Variants in AQR observed in about 807,000 individuals in gnomAD.
AQR encodes the protein RNA helicase aquarius.
Under a neutral mutation model 180.5 loss-of-function variants are expected in AQR, and 61 were observed. The ratio of observed to expected loss-of-function variants is 0.34; its 90% confidence interval spans 0.28 to 0.42. AQR has a LOEUF of 0.42. Ranked by LOEUF, AQR falls within the 10% of genes least tolerant of loss-of-function variation. AQR has a pLI of 1.00. For missense variants in AQR, 1,281 were observed against 1,798.3 expected (o/e 0.71, Z 5.20); for synonymous variants, 551 against 588.8 (o/e 0.94, Z 0.93).
chr15:34,899,929 G>A (rs143318251), intron 20 of AQR, among the ~76,000 whole-genome samples: 25 of 152,098 alleles, frequency 1.6e-4, no homozygotes, highest in African/African-American at 5.5e-4. Flanking sequence ...GTCTTCCTCT[G>A]TCACCCAGGC....
chr15:34,940,829 C>T, intron 8 of AQR, 70 bp downstream of exon 8: 1 of 1,180,538 alleles, frequency 8.5e-7, no homozygotes, highest in Admixed American at 2.1e-5. Context: ...AACAACAAAC[C>T]AGTCAACATC....
intron 6 of AQR, among the ~76,000 whole-genome samples, chr15:34,942,541 G>T (rs1263465170): frequency 6.6e-6 from 1 of 152,214 alleles, no homozygotes; most frequent in South Asian, 2.1e-4. Context: ...CAAGCCCAAG[G>T]CTGAAGTGCT....
intron 1 of AQR, among the ~76,000 whole-genome samples, chr15:34,968,198 A>T (rs2050321300): frequency 6.6e-6 from 1 of 152,036 alleles, no homozygotes; most frequent in Non-Finnish European, 1.5e-5. Context: ...ACTGGAGCCC[A>T]GCCAACATAG....
chr15:34,877,569 A>G (rs545865007), intron 27 of AQR, among the ~76,000 whole-genome samples: 26 of 151,660 alleles, frequency 1.7e-4, no homozygotes, highest in African/African-American at 5.8e-4. Context: ...GACTCTCAAG[A>G]TAACAGGTAT....
Position 34,862,891 on chromosome 15 carries a change from T to C in AQR, c.4005A>G (p.Thr1335=). 1 of 1,613,748 alleles carries C rather than the reference T, an allele frequency of 6.2e-7. No individual in the cohort carries two copies. The highest frequency in any genetic ancestry group is 8.5e-7 in the Non-Finnish European group (1 of 1,179,762). Residue 1335 remains threonine, a synonymous_variant, in exon 33 of 35, where the codon ACA becomes ACG. Transcript: ENST00000156471. Reference sequence around the variant, plus strand: ...CCTTTCTAGTAGTTGGGAAAGGTTCTGTTGGAATTATATGCAAATGAAGGG... The same window carrying C: ...CCTTTCTAGTAGTTGGGAAAGGTTCCGTTGGAATTATATGCAAATGAAGGG... ...ARPLHLHIIP[T]EPFPTTRKNG...
At chr15:34,923,871 G>A (rs1893717343) in intron 13 of AQR, among the ~76,000 whole-genome samples, 2 of 152,116 alleles carry the variant, frequency 1.3e-5, no homozygotes, top group Admixed American at 1.3e-4. Flanking sequence ...ACTTTGTTCT[G>A]TTACAAAATG....
intron 19 of AQR, among the ~76,000 whole-genome samples, chr15:34,903,994 C>T (rs1893373791): frequency 6.6e-6 from 1 of 151,948 alleles, no homozygotes; most frequent in African/African-American, 2.4e-5. Flanking sequence ...CCCCAGTAAA[C>T]AAGTAAGCAA....
chr15:34,914,360 A>G (rs918136467), intron 16 of AQR, among the ~76,000 whole-genome samples: 1 of 152,218 alleles, frequency 6.6e-6, no homozygotes, highest in Non-Finnish European at 1.5e-5. Flanking sequence ...TACCAGAATG[A>G]AAGACTTTTC....
At chr15:34,896,543 TAAAAA>T (rs34623885) in intron 22 of AQR, among the ~76,000 whole-genome samples, 160 of 135,558 alleles carry the variant, frequency 1.2e-3, no homozygotes, top group Middle Eastern at 3.8e-3. Flanking sequence ...TAATCTATGT[TAAAAA>T]AAAAAAAAAA....
intron 1 of AQR, among the ~76,000 whole-genome samples, chr15:34,968,200 C>A (rs1177604306): frequency 6.6e-6 from 1 of 151,780 alleles, no homozygotes; most frequent in African/African-American, 2.4e-5. Context: ...TGGAGCCCAG[C>A]CAACATAGTG....
At chr15:34,896,555 A>G (rs957811226) in intron 22 of AQR, among the ~76,000 whole-genome samples, 10 of 151,898 alleles carry the variant, frequency 6.6e-5, no homozygotes, top group Admixed American at 3.9e-4. Context: ...AAAAAAAAAA[A>G]AAAAAGGTGT....
intron 23 of AQR, among the ~76,000 whole-genome samples, chr15:34,891,776 A>G (rs1167312707): frequency 6.6e-6 from 1 of 152,152 alleles, no homozygotes; most frequent in Non-Finnish European, 1.5e-5. Flanking sequence ...TGTTTCTTTT[A>G]TCAAGACAAA....
chr15:34,911,104 G>T (rs1450392708), intron 16 of AQR, among the ~76,000 whole-genome samples: 1 of 152,060 alleles, frequency 6.6e-6, no homozygotes, highest in Non-Finnish European at 1.5e-5. Context: ...TCAAAAAAAG[G>T]ATTTCCTTCT....
chr15:34,889,328 T>G (rs1893107012), intron 24 of AQR, among the ~76,000 whole-genome samples: 2 of 152,212 alleles, frequency 1.3e-5, no homozygotes, highest in South Asian at 4.1e-4. Flanking sequence ...ATACAAGAAC[T>G]CAAAATAGAT....
intron 8 of AQR, among the ~76,000 whole-genome samples, chr15:34,940,035 T>C (rs1893999813): frequency 6.6e-6 from 1 of 152,184 alleles, no homozygotes; most frequent in South Asian, 2.1e-4. Context: ...TCACAGAGCA[T>C]GTGTTCTAGG....
chr15:34,874,221 C>T (rs552613650), intron 29 of AQR: 14 of 429,086 alleles, frequency 3.3e-5, no homozygotes, highest in South Asian at 3.0e-4. Flanking sequence ...AGTTCTATTA[C>T]GCTCTCTGAG....
intron 7 of AQR, among the ~76,000 whole-genome samples, chr15:34,941,739 T>C (rs1046623508): frequency 1.3e-5 from 2 of 152,164 alleles, no homozygotes; most frequent in African/African-American, 4.8e-5. Context: ...CCACATTTAG[T>C]CTCATCTATA....
intron 8 of AQR, 40 bp from the exon 9 acceptor site, chr15:34,938,853 A>C (rs74865794): frequency 1.1e-5 from 15 of 1,406,550 alleles, no homozygotes; most frequent in Admixed American, 1.8e-5. Flanking sequence ...TTTTTGAAGA[A>C]TAGTCATTTC....
In AQR at chr15:34,938,820, T is replaced by C; in HGVS notation, c.642-7A>G. On this transcript the variant is annotated splice_polypyrimidine_tract_variant and splice_region_variant and intron_variant, in intron 8 of 34. Transcript: ENST00000156471. ...TCTCCTCTCTTGATATGCCCTAAAA[T>C]CAGAAAGAACATTGACCAATTATTT... is the stretch of plus-strand genomic sequence containing the variant. 6.3e-7 allele frequency: 1 copy of C among 1,593,054 alleles called. No individual in the cohort carries two copies. Among genetic ancestry groups the C allele is most frequent in the South Asian group, 1.1e-5 (1 of 89,156 alleles).
Sources: allele counts gnomAD v4.1 joint callset (sites outside exome capture counted in the v4.1 genomes callset), GRCh38; gene constraint gnomAD v4.1.1; transcripts MANE v1.5; gene names NCBI Gene and HGNC (gene_info 2026-07-23, HGNC 2026-07-21).